Variants in ATG14 observed in about 807,000 individuals in gnomAD.
ATG14 encodes autophagy related 14.
In ATG14, 35 loss-of-function variants were observed where a neutral mutation model predicts 60.4. The observed-to-expected ratio is 0.58, with a 90% CI of 0.44 to 0.77. The LOEUF (loss-of-function observed/expected upper bound fraction) is 0.77. ATG14 is among the 30% of genes least tolerant of loss of function. The probability of loss-of-function intolerance (pLI) is 0.00; values close to 1 mark genes in which losing one functional copy is unlikely to be tolerated. For missense variants in ATG14, 647 were observed against 626.3 expected, an observed-to-expected ratio of 1.03 and a Z score of -0.35; for synonymous variants, 234 against 228.8, an observed-to-expected ratio of 1.02 and a Z score of -0.21.
intron 7 of ATG14, among the ~76,000 whole-genome samples, chr14:55,378,618 C>A (rs914224454): frequency 1.3e-5 from 2 of 152,030 alleles, no homozygotes; most frequent in African/African-American, 2.4e-5. Context: ...TCCCTTCCTC[C>A]CTCCCTCCCT....
At chr14:55,408,778 AT>A (rs1885527710) in intron 1 of ATG14, among the ~76,000 whole-genome samples, 1 of 152,190 alleles carries the variant, frequency 6.6e-6, no homozygotes, top group African/African-American at 2.4e-5. Context: ...CTCAAAAAAA[AT>A]AAAATAAAAT....
chr14:55,401,188 T>G (rs901400390), intron 1 of ATG14, among the ~76,000 whole-genome samples: 2 of 152,068 alleles, frequency 1.3e-5, no homozygotes, highest in African/African-American at 4.8e-5. Context: ...ATGAGAAAGT[T>G]TGAACAACTT....
chr14:55,389,267 G>A (rs538313994), intron 4 of ATG14, among the ~76,000 whole-genome samples: 60 of 152,212 alleles, frequency 3.9e-4, no homozygotes, highest in Non-Finnish European at 5.0e-4. Context: ...ACAGATGCCC[G>A]GTGGCAAAGC....
chr14:55,385,731 G>C (rs1309732090), intron 5 of ATG14, 128 bp downstream of exon 5: 3 of 865,916 alleles, frequency 3.5e-6, no homozygotes, highest in Non-Finnish European at 5.3e-6. Context: ...AAACAGATAA[G>C]ACTTATGTTC....
rs143160952 is a variant in ATG14 at position 55,403,113 on chromosome 14, T to C, written c.222-5679A>G. On this transcript the variant is annotated intron_variant, in intron 1 of 9. Coordinates refer to ENST00000247178, the MANE Select transcript of ATG14 (RefSeq NM_014924.5). ...TGGCCTGGATGGCAGAGTGAGAACC[T>C]GTCTCTCAAAACATAAAATAGAAAC... Among the ~76,000 whole-genome samples the C allele has an allele frequency of 8.0e-5, 12 of 150,668 alleles. No homozygotes were observed. In the East Asian group the frequency reaches 2.1e-3, roughly 27 times the overall value.
At chr14:55,384,083 C>T (rs374353440) in intron 5 of ATG14, among the ~76,000 whole-genome samples, 5 of 152,158 alleles carry the variant, frequency 3.3e-5, no homozygotes, top group African/African-American at 4.8e-5. Context: ...TGTACTGCTG[C>T]GTCTCCCTTC....
chr14:55,395,084 C>CT, intron 3 of ATG14: 1 of 503,540 alleles, frequency 2.0e-6, no homozygotes, highest in Non-Finnish European at 4.0e-6. Context: ...TTTGTTTGCA[C>CT]TTTTTTGTCT....
Position 55,366,617 on chromosome 14 carries a change from C to G in ATG14, c.*3002G>C, listed in dbSNP as rs1412446357. On this transcript the variant is annotated 3_prime_UTR_variant, in exon 10 of 10. Coordinates refer to ENST00000247178, the MANE Select transcript of ATG14 (RefSeq NM_014924.5). ...ACCCAATGGTGATATACTGTTTTTC[C>G]CCCTTACAGATGTGCAAAACTTTTC... 6.9e-6 allele frequency: 1 copy of G among 145,578 alleles called. No homozygotes were observed. Among genetic ancestry groups the G allele is most frequent in the South Asian group, 2.2e-4 (1 of 4,570 alleles). The allele number at this position is 145,578 out of a possible 1,614,324, so 9.0% of individuals were successfully genotyped here. A position where few individuals can be genotyped will look rare whatever the true frequency, so the allele number is the denominator to read the frequency against.
At chr14:55,391,736 G>A (rs150916674) in intron 3 of ATG14, among the ~76,000 whole-genome samples, 1 of 152,286 alleles carries the variant, frequency 6.6e-6, no homozygotes, top group Non-Finnish European at 1.5e-5. Context: ...CGCAGATACA[G>A]AACTCAAGCA....
rs1394457633 is a variant in ATG14, at chr14:55,411,767, G to C, written c.56C>G (p.Pro19Arg). The change falls in exon 1 of 10, where the codon CCC becomes CGC. Residue 19 changes from proline to arginine, a missense_variant. Transcript: ENST00000247178. ...ARALEAPGCG[P>R]RPLARDLVDS... is the part of the protein sequence containing the mutation. ...CACCAGGTCCCGGGCGAGCGGCCGGGGCCCGCAGCCAGGAGCCTCCAGCGC... is the reference window on the plus strand; with the variant it reads ...CACCAGGTCCCGGGCGAGCGGCCGGCGCCCGCAGCCAGGAGCCTCCAGCGC... The C allele has an allele frequency of 6.2e-7, 1 of 1,606,082 alleles. No homozygotes were observed. Among genetic ancestry groups the C allele is most frequent in the Non-Finnish European group, 8.5e-7 (1 of 1,176,984 alleles).
At chr14:55,375,407 G>GGA (rs2140122830) in intron 9 of ATG14, among the ~76,000 whole-genome samples, 1 of 151,796 alleles carries the variant, frequency 6.6e-6, no homozygotes, top group African/African-American at 2.4e-5. Flanking sequence ...TCCACAGCCT[G>GGA]GAGCTCCTCA....
At position 55,379,263 on chromosome 14, in the gene ATG14, C is replaced by T. The variant is rs533785426; in HGVS notation, c.996-1189G>A. On this transcript the variant is annotated intron_variant, in intron 7 of 9. Coordinates refer to ENST00000247178, the MANE Select transcript of ATG14 (RefSeq NM_014924.5). Reference sequence around the variant, plus strand: ...AAAGGGGGAAGATGATGGCCGGGTGCAGTGGTTCATGCCTGTAATCCCAGC... The same window carrying T: ...AAAGGGGGAAGATGATGGCCGGGTGTAGTGGTTCATGCCTGTAATCCCAGC... Among the ~76,000 whole-genome samples, 177 of 152,136 alleles carry T rather than the reference C, an allele frequency of 1.2e-3. 1 individual carries two copies. Among genetic ancestry groups the T allele is most frequent in the African/African-American group, 4.2e-3 (173 of 41,494 alleles).
chr14:55,383,768 C>CA (rs201673875), intron 5 of ATG14, among the ~76,000 whole-genome samples: 67 of 150,510 alleles, frequency 4.5e-4, no homozygotes, highest in Non-Finnish European at 5.3e-4. Flanking sequence ...AATCAAAAAA[C>CA]AAAAAAAAAC....
At chr14:55,404,934 A>G (rs1885465928) in intron 1 of ATG14, among the ~76,000 whole-genome samples, 1 of 152,198 alleles carries the variant, frequency 6.6e-6, no homozygotes, top group Non-Finnish European at 1.5e-5. Context: ...GAGGGTAGGG[A>G]AGAAATGAGA....
chr14:55,408,354 C>CT (rs1363600136), intron 1 of ATG14, among the ~76,000 whole-genome samples: 1 of 152,138 alleles, frequency 6.6e-6, no homozygotes, highest in East Asian at 1.9e-4. Flanking sequence ...ACCAGGGAGA[C>CT]TGAGACAGGA....
rs1001223746 is a variant in ATG14 at position 55,374,216 on chromosome 14, G to T, written c.1172+3603C>A. ...ATTTTAAGTTTTTTATTATTTTAAT[G>T]TTTTTTTTTAAAGAGATGGGGGTCT... is the stretch of plus-strand genomic sequence containing the variant. On this transcript the variant is annotated intron_variant, in intron 9 of 9. Coordinates refer to ENST00000247178, the MANE Select transcript of ATG14 (RefSeq NM_014924.5). Among the ~76,000 whole-genome samples, 480 of 151,348 alleles carry T rather than the reference G, an allele frequency of 3.2e-3. 5 individuals are homozygous for T. Among genetic ancestry groups the T allele is most frequent in the African/African-American group, 0.011 (457 of 41,294 alleles).
intron 9 of ATG14, among the ~76,000 whole-genome samples, chr14:55,376,836 A>G (rs971814202): frequency 3.3e-5 from 5 of 152,228 alleles, no homozygotes; most frequent in African/African-American, 1.2e-4. Flanking sequence ...AAAAAAGGGC[A>G]AACACCCAGC....
In ATG14 at chr14:55,381,959, C is replaced by A; in HGVS notation, c.877+3G>T. On this transcript the variant is annotated splice_donor_region_variant and intron_variant, in intron 6 of 9. Coordinates refer to ENST00000247178, the MANE Select transcript of ATG14 (RefSeq NM_014924.5). ...AGATTTCAAAGGATATGCTGCTTCT[C>A]ACCAGGCCCCTGGGTTGTTTTCTTC... 6.2e-7 allele frequency: 1 copy of A among 1,611,954 alleles called. No individual in the cohort carries two copies. Among genetic ancestry groups the A allele is most frequent in the South Asian group, 1.1e-5 (1 of 91,030 alleles).
chr14:55,378,083 C>CAAACATACAATTATACAATTTAT lies in ATG14; in HGVS notation c.996-10_996-9insATAAATTGTATAATTGTATGTTT. On this transcript the variant is annotated splice_polypyrimidine_tract_variant and intron_variant, in intron 7 of 9. Coordinates refer to ENST00000247178, the MANE Select transcript of ATG14 (RefSeq NM_014924.5). ...TTTCGCCACAAAATTCACTGTAAAA[C>CAAACATACAATTATACAATTTAT]AAACATACAATTTATAAAGTTGCAT... 9 of 1,608,702 alleles carry CAAACATACAATTATACAATTTAT rather than the reference C, an allele frequency of 5.6e-6. No individual in the cohort carries two copies. The highest frequency in any genetic ancestry group is 7.6e-6 in the Non-Finnish European group (9 of 1,177,276).
Sources: gnomAD v4.1 joint callset for allele counts (sites outside exome capture counted in the v4.1 genomes callset) on GRCh38, gnomAD v4.1.1 for gene constraint, MANE v1.5 for transcripts, NCBI Gene and HGNC (gene_info 2026-07-23, HGNC 2026-07-21) for gene names.